CRYZL1: variants seen among roughly 807,000 people sequenced by gnomAD.
CRYZL1 encodes ferry endosomal RAB5 effector complex subunit 4.
Under a neutral mutation model 50.6 loss-of-function variants are expected in CRYZL1, and 34 were observed. The ratio of observed to expected loss-of-function variants is 0.67; its 90% confidence interval spans 0.51 to 0.89. The LOEUF (loss-of-function observed/expected upper bound fraction) is 0.89, where lower values mean the gene tolerates loss of function less well. Ranked by LOEUF, CRYZL1 falls within the 40% of genes least tolerant of loss-of-function variation. The probability of loss-of-function intolerance (pLI) is 0.00; values close to 1 mark genes in which losing one functional copy is unlikely to be tolerated. For synonymous variants in CRYZL1, 125 were observed against 134.3 expected, an observed-to-expected ratio of 0.93 and a Z score of 0.48; for missense variants, 354 against 402.3, an observed-to-expected ratio of 0.88 and a Z score of 1.03.
At chr21:33,627,886 A>G (rs2084612447) in intron 2 of CRYZL1, among the ~76,000 whole-genome samples, 1 of 151,930 alleles carries the variant, frequency 6.6e-6, no homozygotes, top group African/African-American at 2.4e-5. Context: ...CTGGGACTAC[A>G]GGCACATGCC....
At chr21:33,620,024 G>A (rs1037857460) in intron 4 of CRYZL1, among the ~76,000 whole-genome samples, 8 of 152,086 alleles carry the variant, frequency 5.3e-5, no homozygotes, top group African/African-American at 1.9e-4. Context: ...CAAGGAGTTC[G>A]TTTCACTTAT....
intron 2 of CRYZL1, 29 bp from the exon 3 acceptor site, chr21:33,624,789 G>T: frequency 6.3e-7 from 1 of 1,576,476 alleles, no homozygotes; most frequent in Non-Finnish European, 8.5e-7. Flanking sequence ...AAAACAATAT[G>T]TTATTTTACA....
intron 6 of CRYZL1, among the ~76,000 whole-genome samples, chr21:33,609,663 T>C (rs766476156): frequency 7.2e-5 from 11 of 151,736 alleles, no homozygotes; most frequent in Non-Finnish European, 8.8e-5. Flanking sequence ...CTTGCTATGT[T>C]GCCCATTCTT....
intron 8 of CRYZL1, among the ~76,000 whole-genome samples, chr21:33,601,110 T>C (rs934476542): frequency 6.6e-6 from 1 of 151,256 alleles, no homozygotes; most frequent in East Asian, 1.9e-4. Context: ...CTAATTTTTG[T>C]ATTTTTAATA....
At chr21:33,630,218 T>A (rs1004688761) in intron 2 of CRYZL1, among the ~76,000 whole-genome samples, 2 of 152,154 alleles carry the variant, frequency 1.3e-5, no homozygotes, top group Non-Finnish European at 2.9e-5. Context: ...GAAACTCTTA[T>A]ACACCACTGG....
intron 7 of CRYZL1, chr21:33,603,126 C>T (rs750933187): frequency 3.2e-5 from 11 of 344,148 alleles, no homozygotes; most frequent in Non-Finnish European, 5.4e-5. Flanking sequence ...ACTTCAAAGG[C>T]TCATGTGGCA....
At chr21:33,611,830 T>C (rs2086875726) in intron 6 of CRYZL1, among the ~76,000 whole-genome samples, 2 of 152,234 alleles carry the variant, frequency 1.3e-5, no homozygotes, top group African/African-American at 4.8e-5. Flanking sequence ...CTTTTCTCTA[T>C]ATCCTTAAAT....
chr21:33,597,861 G>A (rs1381631144), intron 9 of CRYZL1, among the ~76,000 whole-genome samples: 3 of 152,020 alleles, frequency 2.0e-5, no homozygotes, highest in East Asian at 3.9e-4. Flanking sequence ...TGATCCGCCC[G>A]CCTCGGCCTC....
chr21:33,596,601 G>A (rs920344757), intron 10 of CRYZL1, among the ~76,000 whole-genome samples: 3 of 152,110 alleles, frequency 2.0e-5, no homozygotes, highest in Non-Finnish European at 4.4e-5. Flanking sequence ...TCATGCCATT[G>A]TGCTCCAGCC....
At position 33,595,435 on chromosome 21, in the gene CRYZL1, A is replaced by G. The variant is rs945442132; in HGVS notation, c.904+296T>C. On this transcript the variant is annotated intron_variant, in intron 11 of 12. Coordinates refer to ENST00000381554, the MANE Select transcript of CRYZL1 (RefSeq NM_145858.3). ...GGTATCTTAGGGCTCATCTCTGTTC[A>G]GAAAGGAGAGAGACTGCCTGAGTGT... is the stretch of plus-strand genomic sequence containing the variant. 19 of 1,359,666 alleles carry G rather than the reference A, an allele frequency of 1.4e-5. No individual in the cohort carries two copies. In the Admixed American group the frequency reaches 3.1e-4, roughly 22 times the overall value. The allele number at this position is 1,359,666 out of a possible 1,614,324, so 84.2% of individuals were successfully genotyped here. A position where few individuals can be genotyped will look rare whatever the true frequency, so the allele number is the denominator to read the frequency against.
At chr21:33,616,968 G>A (rs978140713) in intron 4 of CRYZL1, 2 of 329,040 alleles carry the variant, frequency 6.1e-6, no homozygotes, top group Non-Finnish European at 5.5e-6. Context: ...TGGGCCATGC[G>A]ATTATTGTGA....
chr21:33,630,124 A>T (rs1416886450), intron 2 of CRYZL1, among the ~76,000 whole-genome samples: 2 of 152,218 alleles, frequency 1.3e-5, no homozygotes, highest in Non-Finnish European at 2.9e-5. Flanking sequence ...TCAAAACCAC[A>T]GGAAGATATC....
At chr21:33,617,746 A>G (rs749840929) in intron 4 of CRYZL1, among the ~76,000 whole-genome samples, 11 of 152,072 alleles carry the variant, frequency 7.2e-5, no homozygotes, top group South Asian at 2.1e-4. Context: ...TTTTCCATAC[A>G]ATGTCTGGAA....
intron 6 of CRYZL1, among the ~76,000 whole-genome samples, chr21:33,605,540 T>TTTTTTTTTTTTTTTTTTTTTTTTTTTA (rs1569085226): frequency 7.5e-6 from 1 of 133,442 alleles, no homozygotes; most frequent in African/African-American, 2.8e-5. Context: ...CTTTTTTTTT[T>TTTTTTTTTTTTTTTTTTTTTTTTTTTA]GAGATGGAGT....
intron 3 of CRYZL1, 31 bp from the exon 4 acceptor site, chr21:33,622,099 A>C: frequency 6.4e-7 from 1 of 1,558,006 alleles, no homozygotes. Flanking sequence ...TTAACATACT[A>C]TTGTCAGAAG....
Position 33,631,755 on chromosome 21 carries a change from G to A in CRYZL1, c.-6-198C>T, listed in dbSNP as rs145738336. Among the ~76,000 whole-genome samples the A allele has an allele frequency of 2.9e-3, 445 of 152,276 alleles. 4 individuals carry two copies. Among genetic ancestry groups the A allele is most frequent in the African/African-American group, 0.01 (419 of 41,552 alleles). On this transcript the variant is annotated intron_variant, in intron 1 of 12. Coordinates refer to ENST00000381554, the MANE Select transcript of CRYZL1 (RefSeq NM_145858.3). ...ACTCTCTGGGCACCTGTCTTACTGA[G>A]AATGGGTTTACAGTTCAACCTTTTA...
In CRYZL1 at chr21:33,589,842, T is replaced by A; in HGVS notation, c.1030A>T (p.Lys344Ter). The change falls in exon 13 of 13, where the codon AAG (lysine) becomes TAG (stop). Residue 344 changes from lysine to a stop codon, truncating the protein, a stop_gained. Coordinates refer to ENST00000381554, the MANE Select transcript of CRYZL1 (RefSeq NM_145858.3). LOFTEE classifies it high-confidence loss of function. ...EAVQKNQGRKKQVVQF is the reference protein window; with the variant it reads ...EAVQKNQGRK ...GAAAATTAAAATTGAACAACTTGCT[T>A]TTTTCTTCCTTGATTTTTCTGAACA... is the stretch of plus-strand genomic sequence containing the variant. 7 of 1,611,810 alleles carry A rather than the reference T, an allele frequency of 4.3e-6. No individual in the cohort carries two copies. Among genetic ancestry groups the A allele is most frequent in the Non-Finnish European group, 5.9e-6 (7 of 1,178,060 alleles).
chr21:33,605,521 A>G (rs930689502), intron 6 of CRYZL1, among the ~76,000 whole-genome samples: 11 of 33,974 alleles, frequency 3.2e-4, no homozygotes, highest in Non-Finnish European at 5.8e-4. Flanking sequence ...TTTCCGCAGT[A>G]CAAGAATTCT....
At chr21:33,600,025 T>C (rs2086734953) in intron 8 of CRYZL1, among the ~76,000 whole-genome samples, 1 of 152,172 alleles carries the variant, frequency 6.6e-6, no homozygotes, top group Non-Finnish European at 1.5e-5. Context: ...ATCTTTACGA[T>C]GGGCTACATC....
Sources: gnomAD v4.1 joint callset for allele counts (sites outside exome capture counted in the v4.1 genomes callset) on GRCh38, gnomAD v4.1.1 for gene constraint, MANE v1.5 for transcripts, NCBI Gene and HGNC (gene_info 2026-07-23, HGNC 2026-07-21) for gene names.